Variants in SERPINB7 observed in about 807,000 individuals in gnomAD.
SERPINB7 encodes the protein serpin B7.
A neutral mutation model predicts 37.4 loss-of-function variants in SERPINB7; 31 were observed. The ratio of observed to expected loss-of-function variants is 0.83; its 90% CI spans 0.62 to 1.12. SERPINB7 has a LOEUF of 1.12. Among genes scored for constraint, SERPINB7 ranks in the 50% most tolerant of loss-of-function variants. The probability of loss-of-function intolerance (pLI) is 0.00; values close to 1 mark genes in which losing one functional copy is unlikely to be tolerated. For synonymous variants in SERPINB7, 163 were observed against 166.1 expected (o/e 0.98, Z 0.14); for missense variants, 521 against 455.3 (o/e 1.14, Z -1.31).
Position 63,777,870 on chromosome 18 carries a change from T to C in SERPINB7, c.-19+2154T>C, listed in dbSNP as rs1242193555. On this transcript the variant is annotated intron_variant, in intron 1 of 7. Coordinates refer to ENST00000398019, the MANE Select transcript of SERPINB7 (RefSeq NM_003784.4). ...ATAATTTAAAGTCTGGCCAGATCCT[T>C]TGAAAAAAGACACACACACACACAC... The C allele has an allele frequency of 6.0e-5, 8 of 133,570 alleles. No individual in the cohort carries two copies. In the East Asian group the frequency reaches 8.5e-4, roughly 14 times the overall value. 8.3% of individuals were successfully genotyped at this position (133,570 alleles called of 1,614,324 possible).
intron 1 of SERPINB7, among the ~76,000 whole-genome samples, chr18:63,766,356 G>C (rs1218217401): frequency 6.6e-6 from 1 of 152,168 alleles, no homozygotes; most frequent in Non-Finnish European, 1.5e-5. Context: ...CTTGGATACA[G>C]TGTGTATGTT....
intron 1 of SERPINB7, among the ~76,000 whole-genome samples, chr18:63,768,919 A>C (rs1462519376): frequency 6.6e-6 from 1 of 152,108 alleles, no homozygotes; most frequent in Non-Finnish European, 1.5e-5. Context: ...TGTATCAATA[A>C]TTTGCTCTTC....
chr18:63,786,625 T>TA (rs1306555755), intron 2 of SERPINB7, among the ~76,000 whole-genome samples: 2 of 127,388 alleles, frequency 1.6e-5, no homozygotes, highest in Admixed American at 1.6e-4. Context: ...TCTTTTTTTT[T>TA]AAAAAAAATC....
At chr18:63,760,402 C>T (rs2049146718) in intron 1 of SERPINB7, among the ~76,000 whole-genome samples, 1 of 152,092 alleles carries the variant, frequency 6.6e-6, no homozygotes, top group South Asian at 2.1e-4. Flanking sequence ...ATAAGGGAAG[C>T]AGAGCAAAAA....
At chr18:63,762,944 T>C in intron 1 of SERPINB7, among the ~76,000 whole-genome samples, 1 of 152,202 alleles carries the variant, frequency 6.6e-6, no homozygotes, top group East Asian at 1.9e-4. Flanking sequence ...TAGCAGATAA[T>C]TGTGGATTAA....
At chr18:63,774,660 G>T (rs1200676018), upstream of SERPINB7, among the ~76,000 whole-genome samples, 7 of 152,074 alleles carry the variant, frequency 4.6e-5, no homozygotes, top group East Asian at 1.4e-3. Flanking sequence ...GAAGGATCTG[G>T]GTGGTGCAGA....
chr18:63,792,280 A>G (rs1050012540), intron 2 of SERPINB7, 113 bp from the exon 3 acceptor site: 10 of 708,538 alleles, frequency 1.4e-5, no homozygotes, highest in African/African-American at 8.9e-5. Context: ...TGAACTTGGA[A>G]TGGCAATTAG....
chr18:63,804,103 C>A (rs2049578706), intron 7 of SERPINB7, 134 bp from the exon 8 acceptor site: 2 of 642,618 alleles, frequency 3.1e-6, no homozygotes, highest in Non-Finnish European at 5.2e-6. Flanking sequence ...TCAAGACTGC[C>A]CAAGACACAT....
intron 2 of SERPINB7, among the ~76,000 whole-genome samples, chr18:63,786,105 ATATGT>A (rs2049366458): frequency 1.5e-5 from 2 of 132,914 alleles, no homozygotes; most frequent in Admixed American, 7.9e-5. Context: ...ATAAGTATAT[ATATGT>A]ATATATGTAT....
At chr18:63,764,579 A>G (rs183285365) in intron 1 of SERPINB7, among the ~76,000 whole-genome samples, 2 of 152,262 alleles carry the variant, frequency 1.3e-5, no homozygotes, top group Admixed American at 1.3e-4. Context: ...TAATTCCACT[A>G]TACTCTCCAG....
At chr18:63,769,954 A>T (rs2049201148) in intron 1 of SERPINB7, among the ~76,000 whole-genome samples, 2 of 150,918 alleles carry the variant, frequency 1.3e-5, no homozygotes, top group South Asian at 4.2e-4. Context: ...ATCCCACCTC[A>T]CGACTTGGTG....
intron 2 of SERPINB7, among the ~76,000 whole-genome samples, chr18:63,791,263 T>C (rs1720842): frequency 0.17 from 26,519 of 152,192 alleles, 3,676 homozygotes; most frequent in East Asian, 0.5. Flanking sequence ...ACATTCTACA[T>C]ATGTATCCCA....
At chr18:63,769,501 T>C (rs1439602995) in intron 1 of SERPINB7, among the ~76,000 whole-genome samples, 1 of 152,154 alleles carries the variant, frequency 6.6e-6, no homozygotes, top group Admixed American at 6.5e-5. Flanking sequence ...ATTGAGACTT[T>C]CCTGGTTTTT....
intron 1 of SERPINB7, 104 bp from the exon 2 acceptor site, chr18:63,782,251 G>GA (rs1016888579): frequency 5.4e-5 from 41 of 762,520 alleles, no homozygotes; most frequent in South Asian, 1.1e-4. Flanking sequence ...CTCCAAGGCT[G>GA]AAAAAAAATG....
chr18:63,754,435 T>C (rs1568197146), intron 1 of SERPINB7, among the ~76,000 whole-genome samples: 1 of 152,206 alleles, frequency 6.6e-6, no homozygotes, highest in Admixed American at 6.5e-5. Context: ...CTCGTTGCCA[T>C]AGGTAATGCT....
At chr18:63,777,567 C>T (rs1168004539) in intron 1 of SERPINB7, among the ~76,000 whole-genome samples, 1 of 151,900 alleles carries the variant, frequency 6.6e-6, no homozygotes, top group Non-Finnish European at 1.5e-5. Flanking sequence ...ACATTTCATG[C>T]TAAAATTTGA....
At chr18:63,783,996 G>A (rs1204281172) in intron 2 of SERPINB7, among the ~76,000 whole-genome samples, 1 of 151,964 alleles carries the variant, frequency 6.6e-6, no homozygotes, top group Non-Finnish European at 1.5e-5. Flanking sequence ...CGCTAGAGCG[G>A]TTTACAACCT....
Position 63,782,444 on chromosome 18 carries a change from A to T in SERPINB7, c.72A>T (p.Gly24=). Residue 24 remains glycine (G), a synonymous_variant, in exon 2 of 8, where the codon GGA becomes GGT. Transcript: ENST00000398019. ...TCAGAGAGATGGATGACAATCAAGG[A>T]AATGGAAATGTGTTCTTTTCCTCTC... ...NLFREMDDNQ[G]NGNVFFSSLS... is the part of the protein sequence containing the mutation. The T allele has an allele frequency of 6.2e-7, 1 of 1,614,202 alleles. No individual in the cohort carries two copies. Among genetic ancestry groups the T allele is most frequent in the South Asian group, 1.1e-5 (1 of 91,080 alleles).
chr18:63,796,483 C>G, intron 5 of SERPINB7, 100 bp downstream of exon 5: 1 of 618,898 alleles, frequency 1.6e-6, no homozygotes, highest in Non-Finnish European at 2.9e-6. Flanking sequence ...AGGAACAGCT[C>G]CTCCTAGTTC....
Sources: gnomAD v4.1 joint callset for allele counts (sites outside exome capture counted in the v4.1 genomes callset) on GRCh38, gnomAD v4.1.1 for gene constraint, MANE v1.5 for transcripts, NCBI Gene and HGNC (gene_info 2026-07-23, HGNC 2026-07-21) for gene names.